The following ZNF76 variants were observed in gnomAD, a reference collection of about 807,000 sequenced individuals.
ZNF76 encodes zinc finger protein 523.
A neutral mutation model predicts 66.9 loss-of-function variants in ZNF76; 66 were observed. That is an observed-to-expected ratio of 0.99 (90% CI 0.81 to 1.21). ZNF76 has a LOEUF of 1.21. Ranked by LOEUF, ZNF76 falls within the 50% of genes most tolerant of loss-of-function variation. The pLI, the probability that ZNF76 is intolerant of heterozygous loss-of-function variation, is 0.00. For missense variants in ZNF76, 729 were observed against 760.3 expected (o/e 0.96, Z 0.48); for synonymous variants, 275 against 296.1 (o/e 0.93, Z 0.73).
At chr6:35,267,087 CTG>C (rs1291434320) in intron 1 of ZNF76, among the ~76,000 whole-genome samples, 4 of 151,958 alleles carry the variant, frequency 2.6e-5, no homozygotes, top group African/African-American at 9.7e-5. Context: ...GCTTGAGCCA[CTG>C]CATCCGGCCC....
At chr6:35,291,479 G>T in intron 8 of ZNF76, 76 bp downstream of exon 8, 1 of 1,610,408 alleles carries the variant, frequency 6.2e-7, no homozygotes, top group South Asian at 1.1e-5. Context: ...ACTTAGACCT[G>T]GAGCCCAGTG....
chr6:35,266,265 G>A (rs927646759), intron 1 of ZNF76, among the ~76,000 whole-genome samples: 4 of 151,778 alleles, frequency 2.6e-5, no homozygotes, highest in Non-Finnish European at 4.4e-5. Context: ...TGATTCTTCT[G>A]CCTCAGCCTC....
intron 1 of ZNF76, among the ~76,000 whole-genome samples, chr6:35,273,460 A>G (rs1408796660): frequency 1.3e-5 from 2 of 151,364 alleles, no homozygotes; most frequent in Non-Finnish European, 2.9e-5. Flanking sequence ...GGCGTGAGCC[A>G]CTGCACCTGG....
chr6:35,274,447 G>A (rs143992792), intron 1 of ZNF76, among the ~76,000 whole-genome samples: 188 of 152,292 alleles, frequency 1.2e-3, no homozygotes, highest in African/African-American at 4.3e-3. Context: ...CCATGATAAA[G>A]TGGAAAAACA....
rs755821138 is a variant in ZNF76, at chr6:35,294,541, C to G, written c.1580C>G (p.Thr527Arg). Residue 527 changes from threonine to arginine, a missense_variant, in exon 13 of 14, where the codon ACA becomes AGA. Coordinates refer to ENST00000373953, the MANE Select transcript of ZNF76 (RefSeq NM_003427.5). ...LRHQQVALLA[T>R]ANGTHIAVQL... ...CATCAACAGGTGGCACTGTTGGCCACAGCCAACGGAACGCACATTGCAGTG... is the reference window on the plus strand; with the variant it reads ...CATCAACAGGTGGCACTGTTGGCCAGAGCCAACGGAACGCACATTGCAGTG... 6.2e-7 allele frequency: 1 copy of G among 1,613,830 alleles called. No homozygotes were observed. The highest frequency in any genetic ancestry group is 8.5e-7 in the Non-Finnish European group (1 of 1,179,746).
intron 1 of ZNF76, among the ~76,000 whole-genome samples, chr6:35,275,824 C>T (rs1038687979): frequency 6.6e-6 from 1 of 152,168 alleles, no homozygotes; most frequent in African/African-American, 2.4e-5. Context: ...CCAGCTATTC[C>T]CTTTTTCCAT....
At chr6:35,265,878 G>C (rs901564589) in intron 1 of ZNF76, among the ~76,000 whole-genome samples, 3 of 152,196 alleles carry the variant, frequency 2.0e-5, no homozygotes, top group Admixed American at 6.5e-5. Context: ...AGCCATTAGA[G>C]AATTCTAGGC....
intron 1 of ZNF76, among the ~76,000 whole-genome samples, chr6:35,277,894 C>G (rs528801176): frequency 3.9e-5 from 6 of 152,194 alleles, no homozygotes; most frequent in Non-Finnish European, 7.3e-5. Context: ...GAGTCTCACT[C>G]TGTCGCCCAG....
At position 35,281,041 on chromosome 6, in the gene ZNF76, T is replaced by G. The variant is rs954848769; in HGVS notation, c.-96-15T>G. The G allele has an allele frequency of 5.6e-6, 6 of 1,062,822 alleles. No homozygotes were observed. The highest frequency in any genetic ancestry group is 4.7e-5 in the African/African-American group (3 of 64,412). The allele number at this position is 1,062,822 out of a possible 1,614,324, so 65.8% of individuals were successfully genotyped here. ...AGCTGGTTAACTCATAATGTGATAC[T>G]GTTTATTTTCTTAGATTTGTGACCC... On this transcript the variant is annotated splice_polypyrimidine_tract_variant and intron_variant, in intron 1 of 13. Transcript: ENST00000373953.
intron 7 of ZNF76, 84 bp from the exon 8 acceptor site, chr6:35,291,194 G>A (rs1790321250): frequency 1.3e-6 from 2 of 1,523,970 alleles, no homozygotes; most frequent in Non-Finnish European, 1.8e-6. Context: ...CAAAGGAGGT[G>A]GAGAGCCTGT....
In ZNF76 at chr6:35,294,265, T is replaced by C. The variant is rs567715347; in HGVS notation, c.1495-191T>C. On this transcript the variant is annotated intron_variant, in intron 12 of 13. Coordinates refer to ENST00000373953, the MANE Select transcript of ZNF76 (RefSeq NM_003427.5). ...TGTGATTCAAAATCCCTAAATTAAA[T>C]TGGGCTCTAAGTTGGGAGGAAACCC... The C allele has an allele frequency of 4.7e-5, 28 of 594,124 alleles. No homozygotes were observed. In the African/African-American group the frequency reaches 4.8e-4, roughly 10 times the overall value. 36.8% of individuals were successfully genotyped at this position (594,124 alleles called of 1,614,324 possible). A position where few individuals can be genotyped will look rare whatever the true frequency, so the allele number is the denominator to read the frequency against.
intron 1 of ZNF76, among the ~76,000 whole-genome samples, chr6:35,274,321 ACAGAAAGCCTTGTTCCAACTGTC>A (rs1390379157): frequency 6.6e-6 from 1 of 152,232 alleles, no homozygotes; most frequent in Non-Finnish European, 1.5e-5. Flanking sequence ...GAGGCAGAGT[ACAGAAAGCCTTGTTCCAACTGTC>A]CAGAGTTCTG....
In ZNF76 at chr6:35,295,179, T is replaced by C; in HGVS notation, c.1644T>C (p.Asn548=). ...EEQQTLEEAI[N]VATAAMQQGA... is the part of the protein sequence containing the mutation. ...AGCAGACCTTAGAGGAGGCCATCAA[T>C]GTGGCCACTGCGGCCATGCAGCAAG... The change falls in exon 14 of 14, where the codon AAT becomes AAC. Residue 548 remains asparagine (N), a synonymous_variant. Transcript: ENST00000373953. The C allele has an allele frequency of 1.2e-6, 2 of 1,612,662 alleles. No homozygotes were observed. Among genetic ancestry groups the C allele is most frequent in the Admixed American group, 1.7e-5 (1 of 59,938 alleles).
chr6:35,266,803 T>C (rs1387410148), intron 1 of ZNF76, among the ~76,000 whole-genome samples: 1 of 132,272 alleles, frequency 7.6e-6, no homozygotes, highest in East Asian at 2.4e-4. Flanking sequence ...ATTTCTTTTT[T>C]TTTTTTTTTT....
intron 1 of ZNF76, among the ~76,000 whole-genome samples, chr6:35,266,606 A>G (rs895634145): frequency 2.0e-5 from 3 of 151,828 alleles, no homozygotes; most frequent in Admixed American, 2.0e-4. Flanking sequence ...GGAAATGTCT[A>G]CTCTCAGGAA....
intron 4 of ZNF76, 137 bp downstream of exon 4, chr6:35,286,536 C>T (rs972171224): frequency 1.2e-6 from 1 of 815,114 alleles, no homozygotes; most frequent in Admixed American, 2.0e-5. Context: ...CACACATGCT[C>T]ACCTGGATTA....
chr6:35,263,387 C>T (rs1024188251), intron 1 of ZNF76, among the ~76,000 whole-genome samples: 2 of 152,114 alleles, frequency 1.3e-5, no homozygotes. Flanking sequence ...TGAATTAGCC[C>T]CATTGTTTTC....
chr6:35,291,753 T>C lies in ZNF76; in HGVS notation c.931+16T>C, dbSNP rs553153919. 8.0e-5 allele frequency: 128 copies of C among 1,602,888 alleles called. No individual in the cohort carries two copies. In the South Asian group the frequency reaches 1.2e-3, roughly 16 times the overall value. On this transcript the variant is annotated intron_variant, in intron 9 of 13. Transcript: ENST00000373953. Reference sequence around the variant, plus strand: ...ATCCACACAGGTGGGCTAGCTGGCATGCGAGGACTACCCTCACTCAGGCCC... The same window carrying C: ...ATCCACACAGGTGGGCTAGCTGGCACGCGAGGACTACCCTCACTCAGGCCC...
chr6:35,287,751 TA>T lies in ZNF76; in HGVS notation c.339del (p.Gln114ArgfsTer69), dbSNP rs760494551. 6.8e-6 allele frequency: 11 copies of T among 1,614,174 alleles called. No homozygotes were observed. The African/African-American group carries it at 1.5e-4, about 22-fold the overall frequency. ...CCATCGGAGAGCACCATCCTGGCCG[TA>T]CAGACAGAGGTGGGCTTGGAGGACC... ...AVPSESTILA[V>X]QTEVGLEDLA... On this transcript the variant is annotated frameshift_variant, in exon 5 of 14. Coordinates refer to ENST00000373953, the MANE Select transcript of ZNF76 (RefSeq NM_003427.5). LOFTEE classifies it high-confidence loss of function. The surrounding 1 kb of genome is among the most constrained non-coding windows in gnomAD (Gnocchi z 4.0).
Sources: allele counts gnomAD v4.1 joint callset (sites outside exome capture counted in the v4.1 genomes callset), GRCh38; gene constraint gnomAD v4.1.1; non-coding constraint Gnocchi (gnomAD v3.1); transcripts MANE v1.5; gene names NCBI Gene and HGNC (gene_info 2026-07-23, HGNC 2026-07-21).